Variants in L2HGDH observed in about 807,000 individuals in gnomAD.
L2HGDH encodes the protein L-2-hydroxyglutarate dehydrogenase, mitochondrial.
A neutral mutation model predicts 51.5 loss-of-function variants in L2HGDH; 34 were observed. The observed-to-expected ratio is 0.66, with a 90% CI of 0.50 to 0.88. The LOEUF (loss-of-function observed/expected upper bound fraction) is 0.88. Among genes scored for constraint, L2HGDH ranks in the 40% least tolerant of loss-of-function variants. The pLI, the probability that L2HGDH is intolerant of heterozygous loss-of-function variation, is 0.00. For missense variants in L2HGDH, 558 were observed against 571.9 expected (o/e 0.98, Z 0.25); for synonymous variants, 198 against 197.9 (o/e 1.00, Z -0.01).
At chr14:50,266,646 G>GT (rs1478051587) in intron 8 of L2HGDH, among the ~76,000 whole-genome samples, 2 of 152,176 alleles carry the variant, frequency 1.3e-5, no homozygotes, top group African/African-American at 4.8e-5. Context: ...AACTTTAGTT[G>GT]TGATTTTCAA....
At chr14:50,278,423 C>T in intron 6 of L2HGDH, 97 bp downstream of exon 6, 1 of 768,070 alleles carries the variant, frequency 1.3e-6, no homozygotes. Flanking sequence ...AGACAAATGT[C>T]ATTCAATAAC....
chr14:50,307,220 G>T (rs1200643448), intron 1 of L2HGDH, among the ~76,000 whole-genome samples: 1 of 152,146 alleles, frequency 6.6e-6, no homozygotes, highest in Non-Finnish European at 1.5e-5. Context: ...TATTGTCTTT[G>T]CAGATTATAC....
At chr14:50,276,464 C>A (rs1205678855) in intron 6 of L2HGDH, among the ~76,000 whole-genome samples, 1 of 150,228 alleles carries the variant, frequency 6.7e-6, no homozygotes, top group Non-Finnish European at 1.5e-5. Flanking sequence ...TGAATTGTGC[C>A]CCCCCCACCC....
At chr14:50,281,709 A>AGAG (rs200178997) in intron 5 of L2HGDH, among the ~76,000 whole-genome samples, 5,289 of 152,212 alleles carry the variant, frequency 0.035, 301 homozygotes, top group African/African-American at 0.12. Flanking sequence ...TTTTCAGTCT[A>AGAG]CTGGTTTATC....
At chr14:50,295,303 A>G (rs1322399394) in intron 3 of L2HGDH, among the ~76,000 whole-genome samples, 1 of 152,226 alleles carries the variant, frequency 6.6e-6, no homozygotes, top group Non-Finnish European at 1.5e-5. Context: ...TGAGCCCAGG[A>G]GTTCAAGGCT....
intron 4 of L2HGDH, among the ~76,000 whole-genome samples, chr14:50,286,861 A>G (rs149834216): frequency 9.7e-4 from 148 of 152,326 alleles, no homozygotes; most frequent in Non-Finnish European, 1.7e-3. Flanking sequence ...TATAAGAGAG[A>G]GTACCAGCTC....
intron 3 of L2HGDH, among the ~76,000 whole-genome samples, chr14:50,300,160 A>T (rs373436681): frequency 6.6e-6 from 1 of 152,180 alleles, no homozygotes; most frequent in East Asian, 1.9e-4. Context: ...TATTACACAA[A>T]ATGTTGATTA....
Position 50,277,181 on chromosome 14 carries a change from T to A in L2HGDH, c.738+1339A>T, listed in dbSNP as rs191837031. 2.7e-4 allele frequency among the ~76,000 whole-genome samples: 41 copies of A among 150,876 alleles called. 1 individual carries two copies. The highest frequency in any genetic ancestry group is 2.4e-3 in the Admixed American group (36 of 15,040). On this transcript the variant is annotated intron_variant, in intron 6 of 9. Coordinates refer to ENST00000267436, the MANE Select transcript of L2HGDH (RefSeq NM_024884.3). Reference sequence around the variant, plus strand: ...AGTAGAAATTAAACATAATCCAGGATGGATAAAGTAGACTGTTTTTTTTTT... The same window carrying A: ...AGTAGAAATTAAACATAATCCAGGAAGGATAAAGTAGACTGTTTTTTTTTT...
chr14:50,247,610 AAATC>A (rs1202723384), intron 9 of L2HGDH, among the ~76,000 whole-genome samples: 2 of 152,254 alleles, frequency 1.3e-5, no homozygotes, highest in Non-Finnish European at 2.9e-5. Context: ...TTTATTATAA[AAATC>A]AATCAATGGC....
intron 9 of L2HGDH, among the ~76,000 whole-genome samples, chr14:50,247,794 T>C (rs1223451556): frequency 1.3e-5 from 2 of 152,172 alleles, no homozygotes; most frequent in African/African-American, 2.4e-5. Context: ...GCAGTTTGTT[T>C]TTAAGAGTTT....
chr14:50,297,545 C>T (rs1158005517), intron 3 of L2HGDH, among the ~76,000 whole-genome samples: 1 of 152,150 alleles, frequency 6.6e-6, no homozygotes, highest in Non-Finnish European at 1.5e-5. Context: ...GAATAAACTA[C>T]TGAGCACTAC....
chr14:50,244,285 T>C lies in L2HGDH; in HGVS notation c.*2773A>G. 1.8e-6 allele frequency: 1 copy of C among 563,896 alleles called. No individual in the cohort carries two copies. The highest frequency in any genetic ancestry group is 2.2e-6 in the Non-Finnish European group (1 of 445,256). 34.9% of individuals were successfully genotyped at this position (563,896 alleles called of 1,614,324 possible). The stretch of plus-strand genomic sequence containing the variant: ...TGACTTCCACAATGGTTGAACTAGT[T>C]TACAGTCCCACCAACAGTGTAAAAG... On this transcript the variant is annotated 3_prime_UTR_variant, in exon 10 of 10. Transcript: ENST00000267436.
At chr14:50,259,561 G>A (rs150919319) in intron 9 of L2HGDH, among the ~76,000 whole-genome samples, 1,521 of 151,532 alleles carry the variant, frequency 0.01, 21 homozygotes, top group Non-Finnish European at 0.015. Context: ...AGGTGCAGTG[G>A]CTCACACCTG....
At position 50,281,014 on chromosome 14, in the gene L2HGDH, G is replaced by A. The variant is rs150801600; in HGVS notation, c.704-2460C>T. Among the ~76,000 whole-genome samples the A allele has an allele frequency of 5.9e-5, 9 of 151,966 alleles. No individual in the cohort carries two copies. The South Asian group carries it at 6.2e-4, about 11-fold the overall frequency. On this transcript the variant is annotated intron_variant, in intron 5 of 9. Coordinates refer to ENST00000267436, the MANE Select transcript of L2HGDH (RefSeq NM_024884.3). Reference sequence around the variant, plus strand: ...AAATTTTTTGTAGAGGCAGGGTCTCGCTATGTTGCCCAGGCTGGTCTTAAA... The same window carrying A: ...AAATTTTTTGTAGAGGCAGGGTCTCACTATGTTGCCCAGGCTGGTCTTAAA...
At chr14:50,302,247 T>C in intron 2 of L2HGDH, 79 bp from the exon 3 acceptor site, 1 of 1,460,852 alleles carries the variant, frequency 6.8e-7, no homozygotes, top group South Asian at 1.1e-5. Context: ...AAACTTATAG[T>C]TGAAGCTATT....
In L2HGDH at chr14:50,244,831, T is replaced by C. The variant is rs947055988; in HGVS notation, c.*2227A>G. The C allele has an allele frequency of 2.0e-6, 2 of 985,270 alleles. No homozygotes were observed. The highest frequency in any genetic ancestry group is 3.5e-5 in the African/African-American group (2 of 57,216). 61.0% of individuals were successfully genotyped at this position (985,270 alleles called of 1,614,324 possible). A position where few individuals can be genotyped will look rare whatever the true frequency, so the allele number is the denominator to read the frequency against. Reference sequence around the variant, plus strand: ...CCTTCTCACCCATCCATCATACAGCTTTGGAGAGCTAAGAGGAAAGAAGAC... The same window carrying C: ...CCTTCTCACCCATCCATCATACAGCCTTGGAGAGCTAAGAGGAAAGAAGAC... On this transcript the variant is annotated 3_prime_UTR_variant, in exon 10 of 10. Transcript: ENST00000267436.
At chr14:50,310,936 C>CTTTTTTTTTTTTTTT (rs34399906) in intron 1 of L2HGDH, among the ~76,000 whole-genome samples, 2 of 82,240 alleles carry the variant, frequency 2.4e-5, no homozygotes, top group East Asian at 4.2e-4. Context: ...CTTTTCTTTT[C>CTTTTTTTTTTTTTTT]TTTTTTTTTT....
At position 50,245,501 on chromosome 14, in the gene L2HGDH, C is replaced by T; in HGVS notation, c.*1557G>A. 6 of 976,228 alleles carry T rather than the reference C, an allele frequency of 6.1e-6. No homozygotes were observed. The highest frequency in any genetic ancestry group is 7.3e-6 in the Non-Finnish European group (6 of 821,684). The allele number at this position is 976,228 out of a possible 1,614,324, so 60.5% of individuals were successfully genotyped here. A position where few individuals can be genotyped will look rare whatever the true frequency, so the allele number is the denominator to read the frequency against. Reference sequence around the variant, plus strand: ...TTTGAGTTTGTTTTGTTATTTCCTACAAATATTATAATTAAGATAGAAACT... The same window carrying T: ...TTTGAGTTTGTTTTGTTATTTCCTATAAATATTATAATTAAGATAGAAACT... On this transcript the variant is annotated 3_prime_UTR_variant, in exon 10 of 10. Transcript: ENST00000267436.
intron 9 of L2HGDH, among the ~76,000 whole-genome samples, chr14:50,261,813 A>T (rs1889043258): frequency 6.6e-6 from 1 of 152,204 alleles, no homozygotes; most frequent in Non-Finnish European, 1.5e-5. Context: ...CTTAGAGACC[A>T]TCATTTAACA....
Sources: allele counts gnomAD v4.1 joint callset (sites outside exome capture counted in the v4.1 genomes callset), GRCh38; gene constraint gnomAD v4.1.1; transcripts MANE v1.5; gene names NCBI Gene and HGNC (gene_info 2026-07-23, HGNC 2026-07-21).